Variants in TNRC6B observed in about 807,000 individuals in gnomAD.
TNRC6B encodes trinucleotide repeat-containing gene 6B protein.
Under a neutral mutation model 203.6 loss-of-function variants are expected in TNRC6B, and 52 were observed. The observed-to-expected ratio is 0.26, with a 90% confidence interval of 0.20 to 0.32. The LOEUF (loss-of-function observed/expected upper bound fraction) is 0.32, where lower values mean the gene tolerates loss of function less well. Ranked by LOEUF, TNRC6B falls within the 10% of genes least tolerant of loss-of-function variation. The probability of loss-of-function intolerance (pLI) is 1.00; values close to 1 mark genes in which losing one functional copy is unlikely to be tolerated. For synonymous variants in TNRC6B, 838 were observed against 845.7 expected (o/e 0.99, Z 0.16); for missense variants, 1,923 against 2,286.2 (o/e 0.84, Z 3.24).
chr22:40,097,771 A>G (rs1413723650), intron 1 of TNRC6B, among the ~76,000 whole-genome samples: 2 of 152,014 alleles, frequency 1.3e-5, no homozygotes, highest in African/African-American at 2.4e-5. Context: ...AATGTAATAT[A>G]TATGTTTTAT....
intron 1 of TNRC6B, among the ~76,000 whole-genome samples, chr22:40,072,861 CAAAAAA>C (rs767881898): frequency 5.2e-4 from 24 of 46,534 alleles, no homozygotes; most frequent in African/African-American, 1.3e-3. Context: ...GAGATTCTCT[CAAAAAA>C]AAAAAAAAAA....
intron 12 of TNRC6B, among the ~76,000 whole-genome samples, chr22:40,288,207 G>T (rs532815358): frequency 6.6e-6 from 1 of 152,360 alleles, no homozygotes; most frequent in East Asian, 1.9e-4. Context: ...GGCCCTATGG[G>T]CCAATCCTTT....
At chr22:40,170,749 GTA>G (rs2068976952) in intron 4 of TNRC6B, among the ~76,000 whole-genome samples, 1 of 120,906 alleles carries the variant, frequency 8.3e-6, no homozygotes, top group Non-Finnish European at 1.7e-5. Flanking sequence ...ATCTATATAT[GTA>G]CATATATGTG....
At chr22:40,080,959 C>T (rs2068059254) in intron 1 of TNRC6B, among the ~76,000 whole-genome samples, 1 of 151,628 alleles carries the variant, frequency 6.6e-6, no homozygotes, top group Non-Finnish European at 1.5e-5. Flanking sequence ...TGGGTTCAAG[C>T]GTTTCTCCTG....
At chr22:40,075,688 C>T (rs1417718881) in intron 1 of TNRC6B, among the ~76,000 whole-genome samples, 2 of 151,990 alleles carry the variant, frequency 1.3e-5, no homozygotes, top group African/African-American at 2.4e-5. Context: ...CATCTGTTTT[C>T]TGTTTATTCT....
At chr22:40,152,239 T>G (rs2068764603) in intron 3 of TNRC6B, among the ~76,000 whole-genome samples, 1 of 152,238 alleles carries the variant, frequency 6.6e-6, no homozygotes, top group South Asian at 2.1e-4. Flanking sequence ...ATACTGAGCT[T>G]CTGTGTAGCA....
At chr22:40,097,669 TACACAC>T (rs6147625) in intron 1 of TNRC6B, among the ~76,000 whole-genome samples, 6,801 of 135,552 alleles carry the variant, frequency 0.05, 215 homozygotes, top group African/African-American at 0.095. Context: ...AGGTATATCA[TACACAC>T]ACACACACAC....
chr22:40,164,138 T>G (rs1254859759), intron 4 of TNRC6B, among the ~76,000 whole-genome samples: 1 of 152,026 alleles, frequency 6.6e-6, no homozygotes, highest in Non-Finnish European at 1.5e-5. Flanking sequence ...TTGAAGCACT[T>G]TGGGAGGCCG....
rs1436576966 is a variant in TNRC6B at position 40,080,830 on chromosome 22, C to CT, written c.-121+35838dup. Reference sequence around the variant, plus strand: ...GAGTGTTTCATGTATAACTTTCTTTCTTTTTTGTTTTTTTTTTTTTTCATG... The same window carrying CT: ...GAGTGTTTCATGTATAACTTTCTTTCTTTTTTTGTTTTTTTTTTTTTTCATG... On this transcript the variant is annotated intron_variant, in intron 1 of 23. Coordinates refer to the TNRC6B transcript ENST00000301923. Among the ~76,000 whole-genome samples, 8 of 146,114 alleles carry CT rather than the reference C, an allele frequency of 5.5e-5. No individual in the cohort carries two copies. In the East Asian group the frequency reaches 1.7e-3, roughly 30 times the overall value.
intron 1 of TNRC6B, among the ~76,000 whole-genome samples, chr22:40,204,838 A>G (rs1161195431): frequency 2.6e-5 from 4 of 152,154 alleles, no homozygotes; most frequent in African/African-American, 7.2e-5. Context: ...TTATAGTGAT[A>G]CCAACAGTTC....
chr22:40,181,045 C>G (rs2069123256), intron 1 of TNRC6B, among the ~76,000 whole-genome samples: 1 of 152,170 alleles, frequency 6.6e-6, no homozygotes, highest in Admixed American at 6.5e-5. Context: ...TTTTAAAGTG[C>G]TTTTCAGTCA....
chr22:40,173,167 G>A (rs891120598), upstream of TNRC6B, among the ~76,000 whole-genome samples: 2 of 151,834 alleles, frequency 1.3e-5, no homozygotes, highest in East Asian at 1.9e-4. Flanking sequence ...GGTGATCTCC[G>A]CTCACTGCAA....
intron 4 of TNRC6B, chr22:40,156,225 C>G: frequency 6.5e-7 from 1 of 1,538,478 alleles, no homozygotes; most frequent in Non-Finnish European, 8.8e-7. Flanking sequence ...TACAGATCCT[C>G]GGAAACACTT....
chr22:40,237,337 G>A (rs1291150686), intron 1 of TNRC6B, among the ~76,000 whole-genome samples: 4 of 152,208 alleles, frequency 2.6e-5, no homozygotes, highest in Non-Finnish European at 5.9e-5. Context: ...TGCTGTCTGG[G>A]TTGTGAGGTG....
At chr22:40,188,494 G>A (rs1385634042) in intron 1 of TNRC6B, among the ~76,000 whole-genome samples, 1 of 152,178 alleles carries the variant, frequency 6.6e-6, no homozygotes, top group Non-Finnish European at 1.5e-5. Context: ...AGACTGTATA[G>A]TGGTGAGCAG....
intron 3 of TNRC6B, among the ~76,000 whole-genome samples, chr22:40,253,395 ATCTTT>A (rs1270342333): frequency 1.3e-5 from 2 of 151,720 alleles, no homozygotes; most frequent in Non-Finnish European, 2.9e-5. Context: ...CAGCCTAGGC[ATCTTT>A]TCTTATAGAA....
Position 40,276,900 on chromosome 22 carries a change from A to G in TNRC6B, c.3142-177A>G, listed in dbSNP as rs1355110412. 7.3e-6 allele frequency: 3 copies of G among 411,196 alleles called. 1 individual carries two copies. The highest frequency in any genetic ancestry group is 8.5e-6 in the Non-Finnish European group (2 of 235,220). 25.5% of individuals were successfully genotyped at this position (411,196 alleles called of 1,614,324 possible). ...GAATTTTATAAAAATGAAAACATAGATATAACTAGGGCTTATTAATCATTT... is the reference window on the plus strand; with the variant it reads ...GAATTTTATAAAAATGAAAACATAGGTATAACTAGGGCTTATTAATCATTT... On this transcript the variant is annotated intron_variant, in intron 7 of 22. Coordinates refer to ENST00000454349, the MANE Select transcript of TNRC6B (RefSeq NM_001162501.2).
intron 12 of TNRC6B, among the ~76,000 whole-genome samples, chr22:40,291,877 A>G (rs2070873284): frequency 6.6e-6 from 1 of 152,244 alleles, no homozygotes; most frequent in South Asian, 2.1e-4. Context: ...TTATAGGGGC[A>G]ATCAGTAGTT....
At chr22:40,062,113 T>C (rs112627034) in intron 1 of TNRC6B, among the ~76,000 whole-genome samples, 1 of 152,288 alleles carries the variant, frequency 6.6e-6, no homozygotes, top group African/African-American at 2.4e-5. Context: ...TGTCTCCATT[T>C]CAGCCCTCCC....
Sources: allele counts gnomAD v4.1 joint callset (sites outside exome capture counted in the v4.1 genomes callset), GRCh38; gene constraint gnomAD v4.1.1; transcripts MANE v1.5; gene names NCBI Gene and HGNC (gene_info 2026-07-23, HGNC 2026-07-21).